Variants in HCN4 observed in about 807,000 individuals in gnomAD.
HCN4 encodes hyperpolarization activated cyclic nucleotide gated potassium channel 4.
HCN4 carries 29 observed loss-of-function variants against 76.9 expected under a neutral mutation model. The observed-to-expected ratio is 0.38, with a 90% CI of 0.28 to 0.51. HCN4 has a LOEUF of 0.51. Ranked by LOEUF, HCN4 falls within the 20% of genes least tolerant of loss-of-function variation. The pLI, the probability that HCN4 is intolerant of heterozygous loss-of-function variation, is 0.90. For synonymous variants in HCN4, 772 were observed against 762.5 expected, an observed-to-expected ratio of 1.01 and a Z score of -0.21; for missense variants, 1,416 against 1,715.2, an observed-to-expected ratio of 0.83 and a Z score of 3.08.
At position 73,323,618 on chromosome 15, in the gene HCN4, G is replaced by A; in HGVS notation, c.2475C>T (p.His825=). 2 of 1,600,342 alleles carry A rather than the reference G, an allele frequency of 1.2e-6. No homozygotes were observed. The highest frequency in any genetic ancestry group is 1.7e-6 in the Non-Finnish European group (2 of 1,177,422). Residue 825 remains histidine (H), a synonymous_variant, in exon 8 of 8, where the codon CAC becomes CAT. Coordinates refer to ENST00000261917, the MANE Select transcript of HCN4 (RefSeq NM_005477.3). The part of the protein sequence containing the change: ...GNLGAGQTPR[H]LKRLQSLIPS... Reference sequence around the variant, plus strand: ...GGATCAGGGACTGCAGCCGTTTCAGGTGCCTTGGCGTCTGCCCGGCACCGA... The same window carrying A: ...GGATCAGGGACTGCAGCCGTTTCAGATGCCTTGGCGTCTGCCCGGCACCGA...
rs184801511 is a variant in HCN4, at chr15:73,323,425, G to A, written c.2668C>T (p.Pro890Ser). 63 of 1,608,204 alleles carry A rather than the reference G, an allele frequency of 3.9e-5. No homozygotes were observed. In the African/African-American group the frequency reaches 8.0e-4, roughly 20 times the overall value. ...SSPPPGACGSPSAPTPSAGVA... is the reference protein window; with the variant it reads ...SSPPPGACGSSSAPTPSAGVA... ...CCAGCTGATGGTGTGGGAGCCGAGG[G>A]GGAGCCACAGGCCCCGGGGGGTGGG... is the stretch of plus-strand genomic sequence containing the variant. The change falls in exon 8 of 8, where the codon CCC (proline) becomes TCC (serine). Residue 890 changes from proline to serine, a missense_variant. Pro to Ser is a moderately conservative substitution (Grantham distance 74). Around this residue, in one of 6 missense-constraint regions of HCN4, gnomAD observed 633 missense variants for 579.8 expected, o/e 1.09. Transcript: ENST00000261917.
chr15:73,329,981 G>A lies in HCN4; in HGVS notation c.1372-190C>T, dbSNP rs535631136. Among the ~76,000 whole-genome samples the A allele has an allele frequency of 2.6e-5, 4 of 152,324 alleles. No individual in the cohort carries two copies. In the East Asian group the frequency reaches 7.7e-4, roughly 29 times the overall value. ...TGTGCTGCCAGCGAGTCCTCCTCTT[G>A]TGCCTTCCTCTTGCAATGGGGGCAG... is the stretch of plus-strand genomic sequence containing the variant. On this transcript the variant is annotated intron_variant, in intron 3 of 7. Coordinates refer to ENST00000261917, the MANE Select transcript of HCN4 (RefSeq NM_005477.3).
At chr15:73,338,506 T>G (rs946924896) in intron 2 of HCN4, among the ~76,000 whole-genome samples, 9 of 152,224 alleles carry the variant, frequency 5.9e-5, no homozygotes, top group Non-Finnish European at 8.8e-5. Flanking sequence ...TTGCCAGATC[T>G]CAGGGCTATC....
chr15:73,341,831 C>A (rs1002051712), intron 2 of HCN4, among the ~76,000 whole-genome samples: 9 of 152,248 alleles, frequency 5.9e-5, no homozygotes, highest in African/African-American at 2.2e-4. Context: ...GCACACACTT[C>A]TCCTATGGCA....
At chr15:73,363,474 AGT>A (rs1414219943) in intron 1 of HCN4, among the ~76,000 whole-genome samples, 2 of 152,284 alleles carry the variant, frequency 1.3e-5, no homozygotes, top group East Asian at 3.9e-4. Flanking sequence ...AGAGAAGGTG[AGT>A]GTCTGCCTCT....
chr15:73,353,502 G>C (rs753633208), intron 1 of HCN4, among the ~76,000 whole-genome samples: 6 of 152,172 alleles, frequency 3.9e-5, no homozygotes, highest in Non-Finnish European at 5.9e-5. Flanking sequence ...ACGCATGTCA[G>C]TCCATGACAC....
Position 73,368,536 on chromosome 15 carries a change from C to T in HCN4, c.-266G>A. 6.9e-6 allele frequency: 2 copies of T among 289,628 alleles called. No individual in the cohort carries two copies. The highest frequency in any genetic ancestry group is 1.3e-5 in the Non-Finnish European group (2 of 156,222). The allele number at this position is 289,628 out of a possible 1,614,324, so 17.9% of individuals were successfully genotyped here. On this transcript the variant is annotated 5_prime_UTR_variant, in exon 1 of 8. Transcript: ENST00000261917. The surrounding 1 kb of genome is among the most constrained non-coding windows in gnomAD (Gnocchi z 6.9). ...CCGCGCTCCCTTCTTGCCTCCCTCCCTCCCTCTGGCGTTCAGGGGCGCGGC... is the reference window on the plus strand; with the variant it reads ...CCGCGCTCCCTTCTTGCCTCCCTCCTTCCCTCTGGCGTTCAGGGGCGCGGC...
At chr15:73,347,034 C>A (rs764050961) in intron 1 of HCN4, among the ~76,000 whole-genome samples, 1 of 152,124 alleles carries the variant, frequency 6.6e-6, no homozygotes, top group African/African-American at 2.4e-5. Flanking sequence ...TCCTGCTGGT[C>A]GAAGCATCTC....
Position 73,332,250 on chromosome 15 carries a change from T to C in HCN4, c.1252A>G (p.Ile418Val), listed in dbSNP as rs1302034176. Reference protein sequence around the residue: ...TYDLASAVVRIVNLIGMMLLL... With the variant: ...TYDLASAVVRVVNLIGMMLLL... Reference sequence around the variant, plus strand: ...AGCATCATGCCGATGAGGTTCACGATGCGCACCACGGCGCTGGCCAGGTCG... The same window carrying C: ...AGCATCATGCCGATGAGGTTCACGACGCGCACCACGGCGCTGGCCAGGTCG... The change falls in exon 3 of 8, where the codon ATC becomes GTC. Residue 418 changes from isoleucine to valine, a missense_variant. This residue lies in a region of HCN4 where 112 missense variants were observed against 259.9 expected (regional missense o/e 0.43). Coordinates refer to ENST00000261917, the MANE Select transcript of HCN4 (RefSeq NM_005477.3). 1.9e-6 allele frequency: 3 copies of C among 1,614,094 alleles called. No individual in the cohort carries two copies. Among genetic ancestry groups the C allele is most frequent in the African/African-American group, 1.3e-5 (1 of 74,944 alleles).
chr15:73,328,789 C>T lies in HCN4; in HGVS notation c.1590+784G>A, dbSNP rs1010289219. On this transcript the variant is annotated intron_variant, in intron 4 of 7. Transcript: ENST00000261917. The surrounding 1 kb of genome is among the most constrained non-coding windows in gnomAD (Gnocchi z 4.0). ...CCCCAGGGAGAGATGAAGCTGGGGA[C>T]GGGGGAAGGTGGTTGGGATGCAGAG... is the stretch of plus-strand genomic sequence containing the variant. 1.6e-4 allele frequency among the ~76,000 whole-genome samples: 24 copies of T among 151,934 alleles called. No homozygotes were observed. The highest frequency in any genetic ancestry group is 5.9e-5 in the Non-Finnish European group (4 of 67,986).
rs1416460262 is a variant in HCN4, at chr15:73,368,137, C to T, written c.134G>A (p.Arg45His). The change falls in exon 1 of 8, where the codon CGC (arginine) becomes CAC (histidine). Residue 45 changes from arginine (R) to histidine (H), a missense_variant. Coordinates refer to ENST00000261917, the MANE Select transcript of HCN4 (RefSeq NM_005477.3). This position sits in a 1 kb window ranked among gnomAD's most constrained non-coding sequence, Gnocchi z 6.9. Reference sequence around the variant, plus strand: ...CAGTGGCCGCAGCCGGATGCTCCTGCGGCTGGGGTCTTGGCGGCCCCCGGC... The same window carrying T: ...CAGTGGCCGCAGCCGGATGCTCCTGTGGCTGGGGTCTTGGCGGCCCCCGGC... ...EGAGGRQDPS[R>H]RSIRLRPLPS... is the part of the protein sequence containing the mutation. 1.3e-6 allele frequency: 2 copies of T among 1,516,624 alleles called. No homozygotes were observed. Among genetic ancestry groups the T allele is most frequent in the South Asian group, 2.5e-5 (2 of 81,518 alleles). 93.9% of individuals were successfully genotyped at this position (1,516,624 alleles called of 1,614,324 possible). A position where few individuals can be genotyped will look rare whatever the true frequency, so the allele number is the denominator to read the frequency against.
Position 73,329,783 on chromosome 15 carries a change from G to A in HCN4, c.1380C>T (p.Ser460=). The change falls in exon 4 of 8, where the codon TCC becomes TCT. Residue 460 remains serine, a synonymous_variant. Transcript: ENST00000261917. ...GCGCGTAGGAGTACTGCTTCCCCCA[G>A]GAGTTGTTCTGTGGACAGACGGATG... ...WVSINNMVNN[S]WGKQYSYALF... is the part of the protein sequence containing the mutation. 1 of 1,613,562 alleles carries A rather than the reference G, an allele frequency of 6.2e-7. No homozygotes were observed. The highest frequency in any genetic ancestry group is 1.1e-5 in the South Asian group (1 of 91,088).
At position 73,328,602 on chromosome 15, in the gene HCN4, T is replaced by G. The variant is rs2042914276; in HGVS notation, c.1590+971A>C. On this transcript the variant is annotated intron_variant, in intron 4 of 7. Transcript: ENST00000261917. The surrounding 1 kb of genome is among the most constrained non-coding windows in gnomAD (Gnocchi z 4.0). ...GCAACCCCCACAGCCTGATGCCCAGTACCACCCCCGCCCTGCAGATGAGGA... is the reference window on the plus strand; with the variant it reads ...GCAACCCCCACAGCCTGATGCCCAGGACCACCCCCGCCCTGCAGATGAGGA... 6.6e-6 allele frequency among the ~76,000 whole-genome samples: 1 copy of G among 152,054 alleles called. No homozygotes were observed. Among genetic ancestry groups the G allele is most frequent in the Non-Finnish European group, 1.5e-5 (1 of 68,022 alleles).
At chr15:73,334,775 C>T (rs905936002) in intron 2 of HCN4, among the ~76,000 whole-genome samples, 1 of 152,166 alleles carries the variant, frequency 6.6e-6, no homozygotes, top group Non-Finnish European at 1.5e-5. Flanking sequence ...GTGCTCTCTG[C>T]ACACCCGTCA....
chr15:73,346,384 A>T (rs2043029914), intron 1 of HCN4, among the ~76,000 whole-genome samples: 1 of 152,216 alleles, frequency 6.6e-6, no homozygotes, highest in Non-Finnish European at 1.5e-5. Flanking sequence ...AAATGCTCTG[A>T]CCTATGCCCA....
intron 1 of HCN4, among the ~76,000 whole-genome samples, chr15:73,364,725 G>A (rs1291382617): frequency 6.6e-6 from 1 of 152,132 alleles, no homozygotes; most frequent in African/African-American, 2.4e-5. Flanking sequence ...GTGGGATCGG[G>A]GGCAGGTAGA....
chr15:73,346,324 G>A (rs140702470), intron 1 of HCN4, among the ~76,000 whole-genome samples: 2 of 152,338 alleles, frequency 1.3e-5, no homozygotes, highest in East Asian at 3.9e-4. Flanking sequence ...GATAACCACA[G>A]TACCTGACTA....
chr15:73,322,682 G>A lies in HCN4; in HGVS notation c.3411C>T (p.Pro1137=), dbSNP rs763496884. Residue 1137 remains proline, a synonymous_variant, in exon 8 of 8, where the codon CCC becomes CCT. Coordinates refer to ENST00000261917, the MANE Select transcript of HCN4 (RefSeq NM_005477.3). ...GGSGSSGGLG[P]PGRPYGAIPG... ...GGATGGCACCATAGGGCCTCCCAGG[G>A]GGACCGAGGCCCCCGCTGCTCCCAC... 1.4e-5 allele frequency: 23 copies of A among 1,593,858 alleles called. No individual in the cohort carries two copies. Among genetic ancestry groups the A allele is most frequent in the African/African-American group, 4.0e-5 (3 of 74,642 alleles).
rs1363215798 is a variant in HCN4, at chr15:73,325,794, A to G, written c.1591-350T>C. ...CGATCACATTTCCTTGGAATGTTACACTGGGGACAGGGAGGCCTCACCGAC... is the reference window on the plus strand; with the variant it reads ...CGATCACATTTCCTTGGAATGTTACGCTGGGGACAGGGAGGCCTCACCGAC... On this transcript the variant is annotated intron_variant, in intron 4 of 7. Transcript: ENST00000261917. This position sits in a 1 kb window ranked among gnomAD's most constrained non-coding sequence, Gnocchi z 7.4. Among the ~76,000 whole-genome samples, 1 of 152,124 alleles carries G rather than the reference A, an allele frequency of 6.6e-6. No homozygotes were observed.
Sources: gnomAD v4.1 joint callset for allele counts (sites outside exome capture counted in the v4.1 genomes callset) on GRCh38, gnomAD v4.1.1 for gene constraint, gnomAD v4.1.1 regional missense constraint, Gnocchi (gnomAD v3.1) non-coding constraint, MANE v1.5 for transcripts, NCBI Gene and HGNC (gene_info 2026-07-23, HGNC 2026-07-21) for gene names.